Variants in FAM13C observed in about 807,000 individuals in gnomAD.
FAM13C encodes the protein family with sequence similarity 13 member C, also known as protein FAM13C.
In FAM13C, 37 loss-of-function variants were observed where a neutral mutation model predicts 73.2. The ratio of observed to expected loss-of-function variants is 0.51; its 90% CI spans 0.39 to 0.67. The LOEUF is 0.67. FAM13C is among the 30% of genes least tolerant of loss of function. FAM13C has a pLI of 0.00. For missense variants in FAM13C, 589 were observed against 715.6 expected (o/e 0.82, Z 2.02); for synonymous variants, 246 against 260.9 (o/e 0.94, Z 0.55).
chr10:59,331,689 A>G (rs902671611), intron 3 of FAM13C, among the ~76,000 whole-genome samples: 1 of 152,176 alleles, frequency 6.6e-6, no homozygotes, highest in Non-Finnish European at 1.5e-5. Flanking sequence ...AAGGTAGAGC[A>G]TCCCAAGCAA....
intron 5 of FAM13C, among the ~76,000 whole-genome samples, chr10:59,292,391 C>T (rs1360404753): frequency 6.6e-6 from 1 of 152,180 alleles, no homozygotes; most frequent in Non-Finnish European, 1.5e-5. Context: ...GAAAAATATT[C>T]ACCTTCAAAA....
intron 5 of FAM13C, 30 bp from the exon 6 acceptor site, chr10:59,283,477 C>T (rs780301962): frequency 2.5e-6 from 4 of 1,609,922 alleles, no homozygotes; most frequent in Non-Finnish European, 3.4e-6. Flanking sequence ...GAGCACAGAT[C>T]AGATTCGAGG....
At chr10:59,253,564 C>T (rs1841620285) in intron 11 of FAM13C, among the ~76,000 whole-genome samples, 1 of 152,090 alleles carries the variant, frequency 6.6e-6, no homozygotes, top group Non-Finnish European at 1.5e-5. Context: ...GATTCTCTTG[C>T]AAGAAATATA....
intron 5 of FAM13C, among the ~76,000 whole-genome samples, chr10:59,298,609 A>G (rs1291649881): frequency 6.6e-6 from 1 of 152,148 alleles, no homozygotes; most frequent in Non-Finnish European, 1.5e-5. Flanking sequence ...GTTGATCACA[A>G]TTCTTCACGT....
At chr10:59,294,317 T>C (rs1013127086) in intron 5 of FAM13C, among the ~76,000 whole-genome samples, 1 of 152,092 alleles carries the variant, frequency 6.6e-6, no homozygotes, top group African/African-American at 2.4e-5. Context: ...GATCAAGATG[T>C]CATGCCAGAG....
chr10:59,270,593 A>G (rs969937878), intron 6 of FAM13C, among the ~76,000 whole-genome samples: 5 of 152,180 alleles, frequency 3.3e-5, no homozygotes, highest in African/African-American at 1.2e-4. Context: ...GAGTCCCCAG[A>G]AAGAAAATTA....
intron 6 of FAM13C, among the ~76,000 whole-genome samples, chr10:59,280,353 T>C (rs1443538759): frequency 6.6e-6 from 1 of 152,120 alleles, no homozygotes; most frequent in African/African-American, 2.4e-5. Context: ...TCTGCCTATA[T>C]CCCCATCCCA....
rs373357203 is a variant in FAM13C, at chr10:59,309,415, G to C, written c.444-6551C>G. Among the ~76,000 whole-genome samples the C allele has an allele frequency of 9.2e-5, 14 of 152,248 alleles. No homozygotes were observed. The South Asian group carries it at 1.7e-3, about 18-fold the overall frequency. On this transcript the variant is annotated intron_variant, in intron 4 of 13. Transcript: ENST00000618804. ...TAAAACTCAAAATTCCGAGAGTACT[G>C]TATGACACCCTGAAGGATTTAGTAT... is the stretch of plus-strand genomic sequence containing the variant.
intron 4 of FAM13C, among the ~76,000 whole-genome samples, chr10:59,310,569 A>G (rs1350763086): frequency 1.3e-5 from 2 of 151,522 alleles, no homozygotes; most frequent in African/African-American, 2.4e-5. Flanking sequence ...TTCAAAGACT[A>G]AAAAAAAACC....
chr10:59,251,223 G>A (rs1463595464), intron 13 of FAM13C: 1 of 346,430 alleles, frequency 2.9e-6, no homozygotes, highest in African/African-American at 2.1e-5. Context: ...GTGGAACTAA[G>A]AAACCAACAA....
chr10:59,268,432 G>C (rs1843328206), intron 8 of FAM13C, 121 bp downstream of exon 8: 6 of 1,274,822 alleles, frequency 4.7e-6, no homozygotes, highest in Non-Finnish European at 6.5e-6. Flanking sequence ...GTCCAGGTTG[G>C]CCCATGGGAA....
chr10:59,351,331 C>CAAAAA (rs10666673), intron 3 of FAM13C, among the ~76,000 whole-genome samples: 15,331 of 133,732 alleles, frequency 0.11, 1,052 homozygotes, highest in East Asian at 0.29. Context: ...GACCCTGTCT[C>CAAAAA]AAAAAAAAAA....
In FAM13C at chr10:59,277,819, C is replaced by G. The variant is rs561816947; in HGVS notation, c.592+5544G>C. Among the ~76,000 whole-genome samples, 11 of 152,290 alleles carry G rather than the reference C, an allele frequency of 7.2e-5. No individual in the cohort carries two copies. The South Asian group carries it at 2.1e-3, about 29-fold the overall frequency. ...TTTAAGCTGGATGGTAAATAGCATACTGATGAAGAGTTTAGGCTATGGAGT... is the reference window on the plus strand; with the variant it reads ...TTTAAGCTGGATGGTAAATAGCATAGTGATGAAGAGTTTAGGCTATGGAGT... On this transcript the variant is annotated intron_variant, in intron 6 of 13. Transcript: ENST00000618804.
intron 4 of FAM13C, among the ~76,000 whole-genome samples, chr10:59,305,271 T>C (rs1042848430): frequency 6.6e-6 from 1 of 152,232 alleles, no homozygotes; most frequent in Non-Finnish European, 1.5e-5. Context: ...TGTTGAAAGA[T>C]CCTTAGGTCC....
intron 6 of FAM13C, among the ~76,000 whole-genome samples, chr10:59,274,029 C>T (rs1844030201): frequency 6.6e-6 from 1 of 152,060 alleles, no homozygotes; most frequent in African/African-American, 2.4e-5. Context: ...CAGGGACATT[C>T]CAAAATGCCA....
chr10:59,321,869 G>C (rs934811033), intron 4 of FAM13C, among the ~76,000 whole-genome samples: 1 of 152,106 alleles, frequency 6.6e-6, no homozygotes, highest in African/African-American at 2.4e-5. Flanking sequence ...GCTACAGAGA[G>C]ATCTTTCTTC....
At chr10:59,305,251 A>C (rs1848128593) in intron 4 of FAM13C, among the ~76,000 whole-genome samples, 1 of 152,212 alleles carries the variant, frequency 6.6e-6, no homozygotes. Context: ...CAAAATACAC[A>C]AAACTCCACT....
chr10:59,301,204 G>C (rs1408580965), intron 5 of FAM13C: 1 of 152,148 alleles, frequency 6.6e-6, no homozygotes, highest in Non-Finnish European at 1.5e-5. Flanking sequence ...GGCCATAACA[G>C]AAACTGTGTG....
intron 6 of FAM13C, among the ~76,000 whole-genome samples, chr10:59,276,204 A>T (rs1844306609): frequency 6.6e-6 from 1 of 152,220 alleles, no homozygotes; most frequent in Admixed American, 6.5e-5. Context: ...GAATAAGTGT[A>T]ATGTCAATCA....
Sources: gnomAD v4.1 joint callset for allele counts (sites outside exome capture counted in the v4.1 genomes callset) on GRCh38, gnomAD v4.1.1 for gene constraint, MANE v1.5 for transcripts, NCBI Gene and HGNC (gene_info 2026-07-23, HGNC 2026-07-21) for gene names.